Variants in RNF213 observed in about 807,000 individuals in gnomAD.
RNF213 encodes ring finger protein 213.
A neutral mutation model predicts 514.4 loss-of-function variants in RNF213; 341 were observed. The observed-to-expected ratio is 0.66, with a 90% CI of 0.61 to 0.73. The LOEUF (loss-of-function observed/expected upper bound fraction) is 0.73, where lower values mean the gene tolerates loss of function less well. Among genes scored for constraint, RNF213 ranks in the 30% least tolerant of loss-of-function variants. The pLI is 0.00. For missense variants in RNF213, 5,767 were observed against 6,615.6 expected, an observed-to-expected ratio of 0.87 and a Z score of 4.45; for synonymous variants, 2,655 against 2,658.2, an observed-to-expected ratio of 1.00 and a Z score of 0.04.
chr17:80,363,512 C>A (rs1184228062), intron 40 of RNF213, 97 bp from the exon 41 acceptor site: 2 of 1,432,420 alleles, frequency 1.4e-6, no homozygotes, highest in Non-Finnish European at 1.9e-6. Flanking sequence ...AGGTCGCAAG[C>A]CTGGGACACA....
intron 16 of RNF213, among the ~76,000 whole-genome samples, chr17:80,318,599 G>A (rs996102703): frequency 8.6e-5 from 13 of 151,908 alleles, no homozygotes; most frequent in Non-Finnish European, 1.3e-4. Flanking sequence ...TTTGAGACGG[G>A]GTCTCGCTCT....
intron 36 of RNF213, 50 bp downstream of exon 36, chr17:80,354,626 G>C (rs1244919163): frequency 2.5e-6 from 4 of 1,609,438 alleles, no homozygotes; most frequent in Non-Finnish European, 3.4e-6. Flanking sequence ...GTGGCAGCAT[G>C]GGGACCTGCC....
rs2045043803 is a variant in RNF213, at chr17:80,298,459, C to T, written c.2151C>T (p.Asp717=). The change falls in exon 11 of 68, where the codon GAC becomes GAT. Residue 717 remains aspartate (D), a synonymous_variant. Transcript: ENST00000582970. The part of the protein sequence containing the change: ...RHKDAWRQPE[D]TWAALEGLSF... The stretch of plus-strand genomic sequence containing the variant: ...AGGATGCCTGGAGACAGCCTGAGGA[C>T]ACCTGGGCCGCTCTGGAGGGACTCT... The T allele has an allele frequency of 2.5e-6, 4 of 1,614,178 alleles. No individual in the cohort carries two copies. The highest frequency in any genetic ancestry group is 2.2e-5 in the East Asian group (1 of 44,880).
rs776876346 is a variant in RNF213, at chr17:80,348,282, C to T, written c.9947C>T (p.Thr3316Ile). The T allele has an allele frequency of 7.4e-6, 12 of 1,612,204 alleles. No individual in the cohort carries two copies. In the East Asian group the frequency reaches 2.7e-4, roughly 36 times the overall value. The change falls in exon 29 of 68, where the codon ACA (threonine) becomes ATA (isoleucine). Residue 3316 changes from threonine to isoleucine, a missense_variant. Thr to Ile is a moderately conservative substitution (Grantham distance 89). This residue lies in a region of RNF213 where 919 missense variants were observed against 1,121.0 expected (regional missense o/e 0.82). Coordinates refer to ENST00000582970, the MANE Select transcript of RNF213 (RefSeq NM_001256071.3). ...GACCTGGAGCGCCACGCCATCTTCA[C>T]AGAGGTGATTGTCTTTCTGCACTTG... ...TADLERHAIF[T>I]EITTFSRLLT...
rs1598872345 is a variant in RNF213, at chr17:80,264,434, C to A, written c.97+656C>A. Among the ~76,000 whole-genome samples the A allele has an allele frequency of 6.6e-6, 1 of 152,264 alleles. No homozygotes were observed. Among genetic ancestry groups the A allele is most frequent in the African/African-American group, 2.4e-5 (1 of 41,554 alleles). ...CTGCTGAGCATCTTGAGTCCATTCT[C>A]AATTTTGTTGGCTTCTGGGGCCTCA... On this transcript the variant is annotated intron_variant, in intron 2 of 67. Coordinates refer to ENST00000582970, the MANE Select transcript of RNF213 (RefSeq NM_001256071.3). This position sits in a 1 kb window ranked among gnomAD's most constrained non-coding sequence, Gnocchi z 5.0.
chr17:80,377,017 C>A lies in RNF213; in HGVS notation c.13510+54C>A. ...ACTCCTTTGAGCTTCAAAGGGTGTCCAGATGCTATGAAGCATTGGGTTCGA... is the reference window on the plus strand; with the variant it reads ...ACTCCTTTGAGCTTCAAAGGGTGTCAAGATGCTATGAAGCATTGGGTTCGA... On this transcript the variant is annotated intron_variant, in intron 53 of 67. Transcript: ENST00000582970. This position sits in a 1 kb window ranked among gnomAD's most constrained non-coding sequence, Gnocchi z 4.1. 7.2e-7 allele frequency: 1 copy of A among 1,386,498 alleles called. No individual in the cohort carries two copies. The highest frequency in any genetic ancestry group is 1.7e-5 in the Admixed American group (1 of 57,148). 85.9% of individuals were successfully genotyped at this position (1,386,498 alleles called of 1,614,324 possible).
chr17:80,328,475 A>G lies in RNF213; in HGVS notation c.3515A>G (p.Gln1172Arg), dbSNP rs1261619312. ...KMCGNVKHLI[Q>R]VDFGVLAVRH... Reference sequence around the variant, plus strand: ...TGTGGGAACGTGAAACATCTGATACAAGGTGGTATTCCTGAGAAGTGAACA... The same window carrying G: ...TGTGGGAACGTGAAACATCTGATACGAGGTGGTATTCCTGAGAAGTGAACA... Residue 1172 changes from glutamine to arginine, a missense_variant and splice_region_variant, in exon 20 of 68, where the codon CAA (glutamine) becomes CGA (arginine). Gln to Arg is a conservative substitution (Grantham distance 43). Transcript: ENST00000582970. 5 of 1,537,266 alleles carry G rather than the reference A, an allele frequency of 3.3e-6. No homozygotes were observed. In the Admixed American group the frequency reaches 7.8e-5, roughly 24 times the overall value.
intron 44 of RNF213, among the ~76,000 whole-genome samples, chr17:80,368,518 C>T (rs963794342): frequency 6.7e-6 from 1 of 149,692 alleles, no homozygotes; most frequent in African/African-American, 2.5e-5. Flanking sequence ...CTGCAACCTT[C>T]ACCTCCTGGG....
At chr17:80,276,878 C>T (rs2044077292) in intron 3 of RNF213, among the ~76,000 whole-genome samples, 1 of 151,738 alleles carries the variant, frequency 6.6e-6, no homozygotes, top group Admixed American at 6.6e-5. Context: ...TGGTGAAACC[C>T]CGTCTCTACT....
chr17:80,324,998 T>G (rs1198930534), intron 17 of RNF213, 32 bp from the exon 18 acceptor site: 2 of 1,531,326 alleles, frequency 1.3e-6, no homozygotes, highest in South Asian at 2.4e-5. Flanking sequence ...GAAAAACTTC[T>G]AAATGTCCCT....
At chr17:80,363,434 T>C in intron 40 of RNF213, 120 bp downstream of exon 40, 1 of 1,221,008 alleles carries the variant, frequency 8.2e-7, no homozygotes, top group African/African-American at 1.5e-5. Context: ...GCACATACCT[T>C]AGCTGAATTC....
chr17:80,356,588 A>G (rs2078831766), intron 36 of RNF213, among the ~76,000 whole-genome samples: 1 of 152,208 alleles, frequency 6.6e-6, no homozygotes, highest in Non-Finnish European at 1.5e-5. Context: ...CCAAATCCTG[A>G]GAGTCCTTTG....
At chr17:80,334,344 A>C (rs2077922660) in intron 22 of RNF213, 74 bp downstream of exon 22, 1 of 1,442,316 alleles carries the variant, frequency 6.9e-7, no homozygotes. Flanking sequence ...GCGTTCCTAA[A>C]CTCTTTGGCA....
At chr17:80,360,245 G>A in intron 38 of RNF213, 39 bp downstream of exon 38, 2 of 1,595,770 alleles carry the variant, frequency 1.3e-6, no homozygotes, top group Admixed American at 1.7e-5. Context: ...CAGCACAGGT[G>A]AATCACAAAG....
In RNF213 at chr17:80,352,534, G is replaced by A. The variant is rs1283393881; in HGVS notation, c.10304-406G>A. On this transcript the variant is annotated intron_variant, in intron 32 of 67. Coordinates refer to ENST00000582970, the MANE Select transcript of RNF213 (RefSeq NM_001256071.3). Reference sequence around the variant, plus strand: ...AGCTATTTATGACATAGAAAAGTTGGTATTCCAGAAACAGGAAAGTAAGTT... The same window carrying A: ...AGCTATTTATGACATAGAAAAGTTGATATTCCAGAAACAGGAAAGTAAGTT... 1.3e-5 allele frequency: 7 copies of A among 545,778 alleles called. No homozygotes were observed. In the Admixed American group the frequency reaches 2.3e-4, roughly 18 times the overall value. 33.8% of individuals were successfully genotyped at this position (545,778 alleles called of 1,614,324 possible). A position where few individuals can be genotyped will look rare whatever the true frequency, so the allele number is the denominator to read the frequency against.
rs2046332790 is a variant in RNF213, at chr17:80,328,365, T to A, written c.3405T>A (p.Ala1135=). 2.0e-6 allele frequency: 3 copies of A among 1,537,114 alleles called. No homozygotes were observed. The highest frequency in any genetic ancestry group is 2.6e-6 in the Non-Finnish European group (3 of 1,146,886). ...KSLSPQDEQC[A]VEEALDWRRE... Reference sequence around the variant, plus strand: ...TTTCACCCCAGGATGAACAATGTGCTGTGGAGGAAGCACTGGATTGGAGAA... The same window carrying A: ...TTTCACCCCAGGATGAACAATGTGCAGTGGAGGAAGCACTGGATTGGAGAA... Residue 1135 remains alanine, a synonymous_variant, in exon 20 of 68, where the codon GCT becomes GCA. Transcript: ENST00000582970.
At chr17:80,274,903 G>GT (rs1567998256) in intron 3 of RNF213, among the ~76,000 whole-genome samples, 1 of 57,874 alleles carries the variant, frequency 1.7e-5, no homozygotes, top group African/African-American at 6.4e-5. Context: ...GTGTGTTGGG[G>GT]GTGTGTGAGT....
chr17:80,339,808 GGTCTCCCGTGGAGCGTT>G lies in RNF213; in HGVS notation c.5450_5466del (p.Val1817GlufsTer39), dbSNP rs1197262614. ...CTGGCTCACCTGGCAGGGATGGGTGGGTCTCCCGTGGAGCGTTGTCTCCCGAGAGGTCTGCAGGTCGG... is the reference window on the plus strand; with the variant it reads ...CTGGCTCACCTGGCAGGGATGGGTGGGTCTCCCGAGAGGTCTGCAGGTCGG... On this transcript the variant is annotated frameshift_variant, in exon 26 of 68. Transcript: ENST00000582970. LOFTEE classifies it high-confidence loss of function. The G allele has an allele frequency of 1.3e-6, 2 of 1,534,036 alleles. No homozygotes were observed. The highest frequency in any genetic ancestry group is 1.7e-6 in the Non-Finnish European group (2 of 1,144,562).
rs2078363376 is a variant in RNF213, at chr17:80,347,791, A to G, written c.9456A>G (p.Glu3152=). The G allele has an allele frequency of 6.2e-7, 1 of 1,614,202 alleles. No homozygotes were observed. The highest frequency in any genetic ancestry group is 8.5e-7 in the Non-Finnish European group (1 of 1,180,046). Residue 3152 remains glutamate, a synonymous_variant, in exon 29 of 68, where the codon GAA becomes GAG. Transcript: ENST00000582970. The surrounding 1 kb of genome is among the most constrained non-coding windows in gnomAD (Gnocchi z 7.2). The stretch of plus-strand genomic sequence containing the variant: ...CCAACTTCCGCCTGATTGTCATTGA[A>G]GAGAAAGACGTCGTGTACAAACACT... The part of the protein sequence containing the change: ...VHPNFRLIVI[E]EKDVVYKHFP...
Sources: allele counts gnomAD v4.1 joint callset (sites outside exome capture counted in the v4.1 genomes callset), GRCh38; gene constraint gnomAD v4.1.1; regional missense constraint gnomAD v4.1.1; non-coding constraint Gnocchi (gnomAD v3.1); transcripts MANE v1.5; gene names NCBI Gene and HGNC (gene_info 2026-07-23, HGNC 2026-07-21).